Variants in CD226 observed in about 807,000 individuals in gnomAD.
CD226 encodes the protein CD226 antigen.
In CD226, 24 loss-of-function variants were observed where a neutral mutation model predicts 34.9. The observed-to-expected ratio is 0.69, with a 90% CI of 0.50 to 0.97. The LOEUF is 0.97. Ranked by LOEUF, CD226 falls within the 50% of genes least tolerant of loss-of-function variation. CD226 has a pLI of 0.00. For synonymous variants in CD226, 148 were observed against 147.4 expected (o/e 1.00, Z -0.03); for missense variants, 397 against 412.7 (o/e 0.96, Z 0.33).
upstream of CD226, among the ~76,000 whole-genome samples, chr18:69,949,121 TG>T (rs1302919570): frequency 6.6e-6 from 1 of 151,860 alleles, no homozygotes; most frequent in Non-Finnish European, 1.5e-5. Flanking sequence ...GTGACCTGAG[TG>T]ACACACATAA....
At chr18:69,959,704 T>G (rs11151549), upstream of CD226, among the ~76,000 whole-genome samples, 4 of 152,328 alleles carry the variant, frequency 2.6e-5, no homozygotes, top group East Asian at 7.7e-4. Flanking sequence ...TGGAGACAAT[T>G]GTTAATAGAT....
At chr18:69,936,373 G>A (rs2055653945) in intron 2 of CD226, among the ~76,000 whole-genome samples, 1 of 152,170 alleles carries the variant, frequency 6.6e-6, no homozygotes, top group Admixed American at 6.5e-5. Flanking sequence ...ACACGTTCTG[G>A]TAACCATCCA....
At position 69,855,238 on chromosome 18, in the gene CD226, TATC is replaced by T. The variant is rs991213021; in HGVS notation, c.*9073_*9075del. The T allele has an allele frequency of 1.3e-5, 2 of 152,080 alleles. No individual in the cohort carries two copies. The highest frequency in any genetic ancestry group is 4.8e-5 in the African/African-American group (2 of 41,390). 9.4% of individuals were successfully genotyped at this position (152,080 alleles called of 1,614,324 possible). On this transcript the variant is annotated 3_prime_UTR_variant, in exon 6 of 6. Coordinates refer to ENST00000582621, the MANE Select transcript of CD226 (RefSeq NM_001303618.2). ...TGTCAGAATTATCAGACATGGAACT[TATC>T]ATTAATATGTTAAGAGCTCTCATGA...
intron 2 of CD226, among the ~76,000 whole-genome samples, chr18:69,939,283 C>G (rs760950074): frequency 2.0e-5 from 3 of 152,156 alleles, no homozygotes; most frequent in Admixed American, 1.3e-4. Flanking sequence ...AGTTTTACCA[C>G]GTTTGTATCT....
At chr18:69,923,948 C>T (rs373842440) in intron 2 of CD226, among the ~76,000 whole-genome samples, 1 of 145,710 alleles carries the variant, frequency 6.9e-6, no homozygotes, top group African/African-American at 2.6e-5. Flanking sequence ...AGCGAGACTC[C>T]GTCTCAAAAA....
At chr18:69,897,022 G>A (rs1302187085) in intron 2 of CD226, among the ~76,000 whole-genome samples, 1 of 152,014 alleles carries the variant, frequency 6.6e-6, no homozygotes, top group African/African-American at 2.4e-5. Flanking sequence ...GGGGGCCCTG[G>A]GCATCTCTGT....
intron 3 of CD226, among the ~76,000 whole-genome samples, chr18:69,875,002 C>A (rs1214034214): frequency 6.6e-6 from 1 of 152,188 alleles, no homozygotes; most frequent in Non-Finnish European, 1.5e-5. Context: ...TAGGTTGCAT[C>A]CACATCTTGA....
intron 4 of CD226, 45 bp downstream of exon 4, chr18:69,873,099 C>A: frequency 9.6e-7 from 1 of 1,044,344 alleles, no homozygotes; most frequent in South Asian, 1.3e-5. Context: ...TAATAGAGAA[C>A]CTCTAACATG....
intron 5 of CD226, among the ~76,000 whole-genome samples, chr18:69,866,794 C>T (rs1345914313): frequency 6.6e-6 from 1 of 152,012 alleles, no homozygotes; most frequent in Non-Finnish European, 1.5e-5. Flanking sequence ...GCCTTTAAGT[C>T]CAAGATAACT....
chr18:69,882,435 G>A (rs1984318867), intron 3 of CD226, among the ~76,000 whole-genome samples: 1 of 152,104 alleles, frequency 6.6e-6, no homozygotes, highest in Admixed American at 6.5e-5. Context: ...TCAGTACTGT[G>A]GGCCATAAGT....
At position 69,864,381 on chromosome 18, in the gene CD226, T is replaced by C; in HGVS notation, c.944A>G (p.Asp315Gly). Residue 315 changes from aspartate to glycine, a missense_variant, in exon 6 of 6, where the codon GAT (aspartate) becomes GGT (glycine). Physicochemically the swap from Asp to Gly is moderately conservative, Grantham distance 94 (BLOSUM62 -1). Coordinates refer to ENST00000582621, the MANE Select transcript of CD226 (RefSeq NM_001303618.2). The stretch of plus-strand genomic sequence containing the variant: ...GACATAAATATCCTCTCTTGTATCA[T>C]CCATGGATTGATTGGTAGGTTGACT... ...STSQPTNQSM[D>G]DTREDIYVNY... 3 of 1,613,524 alleles carry C rather than the reference T, an allele frequency of 1.9e-6. No homozygotes were observed. The highest frequency in any genetic ancestry group is 2.5e-6 in the Non-Finnish European group (3 of 1,179,518).
intron 3 of CD226, among the ~76,000 whole-genome samples, chr18:69,875,134 A>G (rs1214780784): frequency 6.6e-6 from 1 of 151,970 alleles, no homozygotes; most frequent in Non-Finnish European, 1.5e-5. Flanking sequence ...TATTTATTTT[A>G]TTTTAATTTT....
chr18:69,951,365 T>C (rs930201736), upstream of CD226, among the ~76,000 whole-genome samples: 6 of 152,140 alleles, frequency 3.9e-5, no homozygotes, highest in Admixed American at 6.5e-5. Context: ...TCACATTCCA[T>C]GCCAGAAAAA....
chr18:69,935,550 T>C (rs182810972), intron 2 of CD226, among the ~76,000 whole-genome samples: 1 of 152,336 alleles, frequency 6.6e-6, no homozygotes, highest in Non-Finnish European at 1.5e-5. Context: ...GTCCCCACGC[T>C]GCATTGGCAC....
Position 69,893,930 on chromosome 18 carries a change from A to C in CD226, c.727+1771T>G, listed in dbSNP as rs79594395. Among the ~76,000 whole-genome samples, 945 of 152,360 alleles carry C rather than the reference A, an allele frequency of 6.2e-3. 33 individuals carry two copies. In the East Asian group the frequency reaches 0.093, roughly 15 times the overall value. On this transcript the variant is annotated intron_variant, in intron 3 of 5. Transcript: ENST00000582621. ...CAAGACCTTTTCTTCTTCATTTTCA[A>C]CACAGGAAGAAATATCAGTTTGCAA... is the stretch of plus-strand genomic sequence containing the variant.
chr18:69,885,204 A>G (rs543203175), intron 3 of CD226, among the ~76,000 whole-genome samples: 2 of 152,236 alleles, frequency 1.3e-5, no homozygotes, highest in Non-Finnish European at 2.9e-5. Flanking sequence ...CAATAGGCAT[A>G]CCATACCATT....
chr18:69,888,010 CAT>C (rs1439753436), intron 3 of CD226, among the ~76,000 whole-genome samples: 2 of 152,156 alleles, frequency 1.3e-5, no homozygotes, highest in Non-Finnish European at 2.9e-5. Context: ...TCTTAAACAA[CAT>C]AGTCCTCCAG....
At chr18:69,902,447 C>T (rs751548573) in intron 2 of CD226, among the ~76,000 whole-genome samples, 14 of 151,916 alleles carry the variant, frequency 9.2e-5, no homozygotes, top group Admixed American at 2.6e-4. Context: ...GATGTCCAGC[C>T]CTCCTGGAAA....
At chr18:69,904,612 C>T (rs2055228997) in intron 2 of CD226, among the ~76,000 whole-genome samples, 1 of 152,202 alleles carries the variant, frequency 6.6e-6, no homozygotes, top group South Asian at 2.1e-4. Context: ...TTATTATAGT[C>T]AGTATCATAA....
Sources: gnomAD v4.1 joint callset for allele counts (sites outside exome capture counted in the v4.1 genomes callset) on GRCh38, gnomAD v4.1.1 for gene constraint, MANE v1.5 for transcripts, NCBI Gene and HGNC (gene_info 2026-07-23, HGNC 2026-07-21) for gene names.